The following CADM2 variants were observed in gnomAD, a reference collection of about 807,000 sequenced individuals.
CADM2 encodes the protein cell adhesion molecule 2.
In CADM2, 12 loss-of-function variants were observed where a neutral mutation model predicts 49.8. That is an observed-to-expected ratio of 0.24 (90% CI 0.15 to 0.39). The LOEUF (loss-of-function observed/expected upper bound fraction) is 0.39, where lower values mean the gene tolerates loss of function less well. Ranked by LOEUF, CADM2 falls within the 10% of genes least tolerant of loss-of-function variation. The pLI, the probability that CADM2 is intolerant of heterozygous loss-of-function variation, is 1.00. For synonymous variants in CADM2, 214 were observed against 175.4 expected, an observed-to-expected ratio of 1.22 and a Z score of -1.74; for missense variants, 378 against 492.3, an observed-to-expected ratio of 0.77 and a Z score of 2.20.
intron 1 of CADM2, among the ~76,000 whole-genome samples, chr3:85,388,268 G>A (rs1466394409): frequency 3.3e-5 from 5 of 152,118 alleles, no homozygotes; most frequent in Non-Finnish European, 5.9e-5. Context: ...ATAACTGTTT[G>A]TTGATGATGG....
intron 1 of CADM2, among the ~76,000 whole-genome samples, chr3:85,444,412 A>G (rs2037349951): frequency 6.6e-6 from 1 of 150,640 alleles, no homozygotes; most frequent in African/African-American, 2.4e-5. Flanking sequence ...CTTCCAGTTT[A>G]GTAACTGGCT....
chr3:85,392,714 C>T (rs1180105367), intron 1 of CADM2, among the ~76,000 whole-genome samples: 1 of 152,014 alleles, frequency 6.6e-6, no homozygotes, highest in Non-Finnish European at 1.5e-5. Flanking sequence ...ATTCTATAAA[C>T]TCTTTATGGA....
intron 1 of CADM2, among the ~76,000 whole-genome samples, chr3:85,452,385 G>A (rs1393900436): frequency 6.6e-6 from 1 of 152,120 alleles, no homozygotes; most frequent in Non-Finnish European, 1.5e-5. Flanking sequence ...GAGATTTAAA[G>A]AGAAAGTAGA....
chr3:85,258,548 C>T (rs1258194003), intron 1 of CADM2, among the ~76,000 whole-genome samples: 1 of 151,632 alleles, frequency 6.6e-6, no homozygotes, highest in African/African-American at 2.4e-5. Flanking sequence ...GGTTGAGTTT[C>T]TAAGCTGTCA....
intron 1 of CADM2, among the ~76,000 whole-genome samples, chr3:85,228,745 G>A (rs1452969798): frequency 2.0e-5 from 3 of 152,052 alleles, no homozygotes; most frequent in South Asian, 2.1e-4. Context: ...TCTCCTGTAT[G>A]AGGTGTCTGT....
At chr3:85,045,604 A>C (rs1023392398) in intron 1 of CADM2, among the ~76,000 whole-genome samples, 2 of 152,116 alleles carry the variant, frequency 1.3e-5, no homozygotes, top group African/African-American at 4.8e-5. Context: ...GTATATGTGT[A>C]TATTTCACAG....
chr3:85,493,683 T>TC (rs1361807001), intron 1 of CADM2, among the ~76,000 whole-genome samples: 1 of 152,210 alleles, frequency 6.6e-6, no homozygotes, highest in Non-Finnish European at 1.5e-5. Context: ...GGCTCAGAGT[T>TC]CCCTGAGGAT....
At chr3:85,137,147 GAC>G (rs1481575637) in intron 1 of CADM2, among the ~76,000 whole-genome samples, 6 of 151,810 alleles carry the variant, frequency 4.0e-5, no homozygotes, top group Admixed American at 1.3e-4. Flanking sequence ...ACATCATTAA[GAC>G]ATCAATTAAA....
intron 1 of CADM2, among the ~76,000 whole-genome samples, chr3:85,612,360 G>C (rs950049110): frequency 4.6e-5 from 7 of 151,906 alleles, no homozygotes; most frequent in African/African-American, 1.7e-4. Flanking sequence ...CTAAATTATA[G>C]TGTCTGGGTT....
chr3:85,131,596 C>A (rs1444481393), intron 1 of CADM2, among the ~76,000 whole-genome samples: 1 of 152,044 alleles, frequency 6.6e-6, no homozygotes, highest in African/African-American at 2.4e-5. Context: ...ATAGCGGGGC[C>A]CATGTTAGTC....
At chr3:85,968,362 G>A (rs1269909952) in intron 8 of CADM2, among the ~76,000 whole-genome samples, 1 of 151,562 alleles carries the variant, frequency 6.6e-6, no homozygotes, top group African/African-American at 2.4e-5. Flanking sequence ...AAAGGTGTAT[G>A]TGTGTGGGCA....
chr3:85,916,712 G>T (rs1445204695), intron 6 of CADM2, among the ~76,000 whole-genome samples: 2 of 151,840 alleles, frequency 1.3e-5, no homozygotes, highest in African/African-American at 4.8e-5. Context: ...GGGTCAAATG[G>T]TATTTCTAGT....
chr3:85,809,782 C>CTT (rs1237538881), intron 3 of CADM2, among the ~76,000 whole-genome samples: 16 of 118,202 alleles, frequency 1.4e-4, no homozygotes, highest in South Asian at 3.5e-4. Context: ...CTCTCTCTCT[C>CTT]TCTCTCTCTC....
At chr3:85,021,683 G>A (rs1410533852) in intron 1 of CADM2, among the ~76,000 whole-genome samples, 1 of 152,098 alleles carries the variant, frequency 6.6e-6, no homozygotes, top group African/African-American at 2.4e-5. Flanking sequence ...GCTGAGGCAG[G>A]AGAATCGCTT....
chr3:85,112,549 GT>G (rs772409064), intron 1 of CADM2, among the ~76,000 whole-genome samples: 19 of 151,790 alleles, frequency 1.3e-4, no homozygotes, highest in Non-Finnish European at 1.9e-4. Context: ...CCCGTATAAA[GT>G]TGACCTACAA....
chr3:85,009,300 A>G (rs1170417943), intron 1 of CADM2, among the ~76,000 whole-genome samples: 1 of 152,220 alleles, frequency 6.6e-6, no homozygotes, highest in Non-Finnish European at 1.5e-5. Flanking sequence ...TATCAGAGTG[A>G]TAAATATGAG....
At chr3:85,653,160 A>G (rs1316187291) in intron 1 of CADM2, among the ~76,000 whole-genome samples, 2 of 151,296 alleles carry the variant, frequency 1.3e-5, no homozygotes, top group African/African-American at 4.9e-5. Context: ...TGTGACATTC[A>G]TATTGTTGTT....
chr3:85,975,933 G>A (rs1726719571), intron 8 of CADM2, among the ~76,000 whole-genome samples: 1 of 151,248 alleles, frequency 6.6e-6, no homozygotes, highest in South Asian at 2.1e-4. Flanking sequence ...AATATCATCT[G>A]ATTAATCATA....
intron 1 of CADM2, among the ~76,000 whole-genome samples, chr3:85,393,932 G>A (rs544590292): frequency 7.5e-4 from 114 of 152,002 alleles, no homozygotes; most frequent in Non-Finnish European, 1.3e-3. Context: ...TCAGCCTCCC[G>A]AGTAGCTGGG....
Sources: gnomAD v4.1 joint callset for allele counts (sites outside exome capture counted in the v4.1 genomes callset) on GRCh38, gnomAD v4.1.1 for gene constraint, MANE v1.5 for transcripts, NCBI Gene and HGNC (gene_info 2026-07-23, HGNC 2026-07-21) for gene names.